ATP8A2: variants seen among roughly 807,000 people sequenced by gnomAD.
The protein encoded by ATP8A2 is phospholipid-transporting ATPase IB.
In ATP8A2, 100 loss-of-function variants were observed where a neutral mutation model predicts 165.6. That is an observed-to-expected ratio of 0.60 (90% CI 0.51 to 0.71). ATP8A2 has a LOEUF of 0.71. Ranked by LOEUF, ATP8A2 falls within the 30% of genes least tolerant of loss-of-function variation. The pLI is 0.00. For synonymous variants in ATP8A2, 543 were observed against 548.8 expected (o/e 0.99, Z 0.15); for missense variants, 1,227 against 1,479.5 (o/e 0.83, Z 2.80).
At chr13:25,440,812 C>T (rs955350323) in intron 1 of ATP8A2, among the ~76,000 whole-genome samples, 1 of 152,160 alleles carries the variant, frequency 6.6e-6, no homozygotes, top group African/African-American at 2.4e-5. Context: ...ATAAAGCAAA[C>T]ACAGCCTAGA....
rs572424720 is a variant in ATP8A2, at chr13:25,757,761, C to G, written c.2385-11285C>G. 3.0e-4 allele frequency among the ~76,000 whole-genome samples: 45 copies of G among 152,262 alleles called. 1 individual carries two copies. The highest frequency in any genetic ancestry group is 1.0e-3 in the African/African-American group (43 of 41,538). On this transcript the variant is annotated intron_variant, in intron 25 of 36. Coordinates refer to ENST00000381655, the MANE Select transcript of ATP8A2 (RefSeq NM_016529.6). The stretch of plus-strand genomic sequence containing the variant: ...GTTATATGTGTTCCTGACCCCCAAA[C>G]CCCTCATTTCTCAAGTTTCATGGCT...
chr13:25,636,031 G>A (rs2041359545), intron 24 of ATP8A2, among the ~76,000 whole-genome samples: 1 of 152,128 alleles, frequency 6.6e-6, no homozygotes, highest in South Asian at 2.1e-4. Flanking sequence ...TGAGTATGGG[G>A]GGAAGAGGTG....
At chr13:25,814,730 T>C (rs1950964788) in intron 27 of ATP8A2, among the ~76,000 whole-genome samples, 2 of 151,456 alleles carry the variant, frequency 1.3e-5, no homozygotes, top group Admixed American at 1.3e-4. Flanking sequence ...AAAAAGATAA[T>C]TCAGGACAGA....
chr13:25,979,858 G>A (rs533872406), intron 35 of ATP8A2, among the ~76,000 whole-genome samples: 33 of 152,144 alleles, frequency 2.2e-4, no homozygotes, highest in Non-Finnish European at 4.7e-4. Context: ...TGACACTGTC[G>A]GGGAAGAAAA....
chr13:25,968,585 A>G lies in ATP8A2; in HGVS notation c.3283A>G (p.Thr1095Ala), dbSNP rs563149249. 3 of 1,613,554 alleles carry G rather than the reference A, an allele frequency of 1.9e-6. No homozygotes were observed. Among genetic ancestry groups the G allele is most frequent in the African/African-American group, 1.3e-5 (1 of 74,998 alleles). Residue 1095 changes from threonine to alanine, a missense_variant, in exon 35 of 37, where the codon ACC becomes GCC. By Grantham distance (58) the Thr-to-Ala change is moderately conservative. Transcript: ENST00000381655. ...TTCCTCATAACACAGAGCCAAGCAC[A>G]CCTGCAAAAAGACATTGCTGGAGGA... ...EDVAWRAAKH[T>A]CKKTLLEEVQ...
At position 25,533,335 on chromosome 13, in the gene ATP8A2, G is replaced by A. The variant is rs187290038; in HGVS notation, c.507+22G>A. 690 of 1,378,392 alleles carry A rather than the reference G, an allele frequency of 5.0e-4. 1 individual carries two copies. In the African/African-American group the frequency reaches 9.3e-3, roughly 19 times the overall value. The allele number at this position is 1,378,392 out of a possible 1,614,324, so 85.4% of individuals were successfully genotyped here. A position where few individuals can be genotyped will look rare whatever the true frequency, so the allele number is the denominator to read the frequency against. On this transcript the variant is annotated intron_variant, in intron 6 of 36. Transcript: ENST00000381655. ...AGAGGTAAAAACTAATTTTAAAGAT[G>A]TACCAGTACTATTGGTTTGAAGACG... is the stretch of plus-strand genomic sequence containing the variant.
chr13:25,754,817 GTCT>G (rs1351284746), intron 25 of ATP8A2, among the ~76,000 whole-genome samples: 14 of 152,124 alleles, frequency 9.2e-5, no homozygotes, highest in Non-Finnish European at 1.9e-4. Flanking sequence ...AAGAAAAATG[GTCT>G]TCTGTTGGAG....
In ATP8A2 at chr13:25,493,576, C is replaced by A. The variant is rs557141231; in HGVS notation, c.221+24455C>A. Among the ~76,000 whole-genome samples, 10 of 152,330 alleles carry A rather than the reference C, an allele frequency of 6.6e-5. No homozygotes were observed. In the South Asian group the frequency reaches 1.0e-3, roughly 16 times the overall value. ...CGGAAGTGAAGACATCAGTTGTCAT[C>A]ACGTTGATCTTGCAGAGTCTGTGGA... On this transcript the variant is annotated intron_variant, in intron 2 of 36. Transcript: ENST00000381655.
chr13:25,665,557 G>A (rs2042136031), intron 24 of ATP8A2, among the ~76,000 whole-genome samples: 1 of 131,916 alleles, frequency 7.6e-6, no homozygotes, highest in African/African-American at 3.6e-5. Context: ...TTAGCAATAT[G>A]TGTGAAATGT....
intron 24 of ATP8A2, among the ~76,000 whole-genome samples, chr13:25,608,326 C>T (rs1171664247): frequency 1.3e-5 from 2 of 152,190 alleles, no homozygotes; most frequent in Non-Finnish European, 2.9e-5. Flanking sequence ...TATTTAATTT[C>T]TGGGTTTCAT....
intron 24 of ATP8A2, among the ~76,000 whole-genome samples, chr13:25,626,771 T>C (rs575849533): frequency 6.6e-6 from 1 of 152,198 alleles, no homozygotes; most frequent in East Asian, 1.9e-4. Flanking sequence ...AGAGGTTTAA[T>C]GGACTCACAG....
chr13:25,731,713 A>C (rs2043650816), intron 25 of ATP8A2, among the ~76,000 whole-genome samples: 1 of 152,242 alleles, frequency 6.6e-6, no homozygotes, highest in Admixed American at 6.5e-5. Context: ...AAAAATAAGC[A>C]GAGGGATTTC....
chr13:25,608,945 A>G (rs2040586199), intron 24 of ATP8A2, among the ~76,000 whole-genome samples: 2 of 152,216 alleles, frequency 1.3e-5, no homozygotes, highest in Admixed American at 1.3e-4. Context: ...AGTGTCAAAG[A>G]GGAAATCACA....
intron 25 of ATP8A2, among the ~76,000 whole-genome samples, chr13:25,745,821 C>T (rs1430654060): frequency 6.6e-6 from 1 of 152,214 alleles, no homozygotes; most frequent in East Asian, 1.9e-4. Flanking sequence ...CAAAAACCAC[C>T]TGAGTTTTTT....
chr13:25,607,102 G>A (rs1346401206), intron 24 of ATP8A2, among the ~76,000 whole-genome samples: 2 of 152,264 alleles, frequency 1.3e-5, no homozygotes, highest in Admixed American at 6.5e-5. Context: ...GGGCATGTGA[G>A]GGATCTAGGT....
At chr13:25,578,694 C>T in intron 20 of ATP8A2, 121 bp from the exon 21 acceptor site, 1 of 710,312 alleles carries the variant, frequency 1.4e-6, no homozygotes, top group South Asian at 1.5e-5. Flanking sequence ...TGCTAAATTC[C>T]TACTTACCCA....
intron 27 of ATP8A2, among the ~76,000 whole-genome samples, chr13:25,819,656 G>GTT (rs199713813): frequency 7.0e-6 from 1 of 143,626 alleles, no homozygotes. Context: ...AGGGTTTTTT[G>GTT]TTTTTTTTTT....
At chr13:25,951,664 G>A (rs1022203137) in intron 33 of ATP8A2, among the ~76,000 whole-genome samples, 2 of 152,188 alleles carry the variant, frequency 1.3e-5, no homozygotes, top group Admixed American at 6.5e-5. Flanking sequence ...CCTGGGGGAT[G>A]TATATGCTTG....
intron 1 of ATP8A2, among the ~76,000 whole-genome samples, chr13:25,456,449 G>A (rs543130013): frequency 3.0e-4 from 46 of 152,226 alleles, no homozygotes; most frequent in Non-Finnish European, 5.7e-4. Flanking sequence ...CGTTGGTCAT[G>A]TGAGACTGAG....
Sources: gnomAD v4.1 joint callset for allele counts (sites outside exome capture counted in the v4.1 genomes callset) on GRCh38, gnomAD v4.1.1 for gene constraint, MANE v1.5 for transcripts, NCBI Gene and HGNC (gene_info 2026-07-23, HGNC 2026-07-21) for gene names.